The following CLSTN2 variants were observed in gnomAD, a reference collection of about 807,000 sequenced individuals.
CLSTN2 encodes calsyntenin-2.
A neutral mutation model predicts 101.2 loss-of-function variants in CLSTN2; 48 were observed. The observed-to-expected ratio is 0.47, with a 90% CI of 0.38 to 0.60. CLSTN2 has a LOEUF of 0.60. CLSTN2 is among the 20% of genes least tolerant of loss of function. The pLI, the probability that CLSTN2 is intolerant of heterozygous loss-of-function variation, is 0.00. For synonymous variants in CLSTN2, 481 were observed against 463.6 expected, an observed-to-expected ratio of 1.04 and a Z score of -0.48; for missense variants, 1,160 against 1,238.2, an observed-to-expected ratio of 0.94 and a Z score of 0.95.
intron 1 of CLSTN2, among the ~76,000 whole-genome samples, chr3:140,092,595 G>A (rs1019422482): frequency 6.6e-6 from 1 of 152,118 alleles, no homozygotes; most frequent in African/African-American, 2.4e-5. Context: ...GGGGTGTGCC[G>A]GGCTGGTGCA....
chr3:140,214,346 C>T (rs749268916), intron 2 of CLSTN2, among the ~76,000 whole-genome samples: 7 of 151,688 alleles, frequency 4.6e-5, no homozygotes, highest in Non-Finnish European at 8.8e-5. Flanking sequence ...CCCAGCTACT[C>T]GGGAGGCTGG....
At chr3:140,306,848 T>TTTATTATTATTATTATTATTA (rs57111372) in intron 2 of CLSTN2, among the ~76,000 whole-genome samples, 1 of 141,968 alleles carries the variant, frequency 7.0e-6, no homozygotes, top group Non-Finnish European at 1.5e-5. Context: ...TTTTTGTCTT[T>TTTATTATTATTATTATTATTA]TTATTATTAT....
At chr3:139,986,093 T>C (rs758426489) in intron 1 of CLSTN2, among the ~76,000 whole-genome samples, 1 of 152,158 alleles carries the variant, frequency 6.6e-6, no homozygotes, top group Non-Finnish European at 1.5e-5. Context: ...TCTCAAGTCA[T>C]GGTAACCTTG....
intron 4 of CLSTN2, among the ~76,000 whole-genome samples, chr3:140,413,937 C>T (rs1576554537): frequency 6.6e-6 from 1 of 152,078 alleles, no homozygotes; most frequent in Non-Finnish European, 1.5e-5. Flanking sequence ...CCACAGCAAA[C>T]ATCATACTCC....
Position 140,196,296 on chromosome 3 carries a change from T to C in CLSTN2, c.232+20223T>C, listed in dbSNP as rs2010642646. On this transcript the variant is annotated intron_variant, in intron 2 of 16. Transcript: ENST00000458420. ...ATGACAGAGGAAGGCGGGGGAAAAA[T>C]CCAAGTCACACTAACGAAAGTCCAG... 2.6e-5 allele frequency among the ~76,000 whole-genome samples: 4 copies of C among 152,166 alleles called. 1 individual carries two copies. In the South Asian group the frequency reaches 8.3e-4, roughly 32 times the overall value.
chr3:140,293,289 G>A (rs556375674), intron 2 of CLSTN2, among the ~76,000 whole-genome samples: 21 of 152,256 alleles, frequency 1.4e-4, no homozygotes, highest in African/African-American at 4.8e-4. Context: ...TGGGCAGCAC[G>A]GAGGGGCAGT....
intron 1 of CLSTN2, among the ~76,000 whole-genome samples, chr3:140,081,515 G>T (rs1336022517): frequency 6.6e-6 from 1 of 151,976 alleles, no homozygotes; most frequent in Non-Finnish European, 1.5e-5. Flanking sequence ...ATTTTATTTA[G>T]TACGGAATCA....
At chr3:140,515,559 G>T (rs1321590376) in intron 8 of CLSTN2, among the ~76,000 whole-genome samples, 1 of 151,774 alleles carries the variant, frequency 6.6e-6, no homozygotes, top group Non-Finnish European at 1.5e-5. Context: ...GGTTTCGATG[G>T]GTTGTATCAC....
intron 1 of CLSTN2, among the ~76,000 whole-genome samples, chr3:140,139,000 A>G (rs372230058): frequency 2.6e-5 from 4 of 152,254 alleles, no homozygotes; most frequent in African/African-American, 9.6e-5. Flanking sequence ...TGTGATATTG[A>G]GCAAATTAAT....
chr3:140,467,767 C>T (rs1211343617), intron 8 of CLSTN2, among the ~76,000 whole-genome samples: 1 of 152,114 alleles, frequency 6.6e-6, no homozygotes, highest in Non-Finnish European at 1.5e-5. Context: ...TCTCCACCCC[C>T]ACCCTCTCTC....
chr3:140,394,779 C>T (rs1244595865), intron 2 of CLSTN2, among the ~76,000 whole-genome samples: 2 of 152,196 alleles, frequency 1.3e-5, no homozygotes, highest in Admixed American at 6.5e-5. Context: ...CCATAGTAAA[C>T]ACTGAATAAG....
chr3:140,331,012 G>C (rs570081268), intron 2 of CLSTN2, among the ~76,000 whole-genome samples: 3 of 152,310 alleles, frequency 2.0e-5, no homozygotes, highest in Admixed American at 2.0e-4. Flanking sequence ...AAAGTCCCAT[G>C]ATAGGTCATC....
intron 1 of CLSTN2, among the ~76,000 whole-genome samples, chr3:140,080,483 C>T (rs1311205620): frequency 1.3e-5 from 2 of 152,162 alleles, no homozygotes; most frequent in African/African-American, 2.4e-5. Context: ...GTCTCAGTCT[C>T]ATCTATTCAA....
chr3:140,284,319 A>G (rs1246385886), intron 2 of CLSTN2, among the ~76,000 whole-genome samples: 3 of 152,218 alleles, frequency 2.0e-5, no homozygotes, highest in African/African-American at 7.2e-5. Context: ...TGGGACTGCC[A>G]TAATTGCTTG....
chr3:140,562,203 G>A lies in CLSTN2; in HGVS notation c.2107G>A (p.Gly703Arg), dbSNP rs144345937. 105 of 1,614,028 alleles carry A rather than the reference G, an allele frequency of 6.5e-5. No individual in the cohort carries two copies. Among genetic ancestry groups the A allele is most frequent in the East Asian group, 2.2e-4 (10 of 44,860 alleles). ...NLDFCDILVI[G>R]GDLDPRQECL... ...AGATTTCTGTGACATTTTGGTGATCGGAGGGGACTTGGACCCAAGGCAGGA... is the reference window on the plus strand; with the variant it reads ...AGATTTCTGTGACATTTTGGTGATCAGAGGGGACTTGGACCCAAGGCAGGA... Residue 703 changes from glycine (G) to arginine (R), a missense_variant, in exon 13 of 17, where the codon GGA becomes AGA. Physicochemically the swap from Gly to Arg is moderately radical, Grantham distance 125. Coordinates refer to ENST00000458420, the MANE Select transcript of CLSTN2 (RefSeq NM_022131.3).
intron 1 of CLSTN2, among the ~76,000 whole-genome samples, chr3:140,073,466 A>G (rs1030081301): frequency 1.3e-5 from 2 of 152,230 alleles, no homozygotes; most frequent in Non-Finnish European, 2.9e-5. Flanking sequence ...GAATGGTGAG[A>G]GCCAAGCTGG....
intron 8 of CLSTN2, among the ~76,000 whole-genome samples, chr3:140,501,731 T>C (rs1294829688): frequency 1.3e-5 from 2 of 152,194 alleles, no homozygotes; most frequent in Non-Finnish European, 2.9e-5. Context: ...ATCCAATAAA[T>C]GATTGTTTTT....
At chr3:140,099,896 T>A (rs1312065284) in intron 1 of CLSTN2, among the ~76,000 whole-genome samples, 1 of 152,208 alleles carries the variant, frequency 6.6e-6, no homozygotes, top group African/African-American at 2.4e-5. Flanking sequence ...CTGGGTCACC[T>A]GTAAGATGTT....
chr3:140,065,485 T>G (rs1048116390), intron 1 of CLSTN2, among the ~76,000 whole-genome samples: 3 of 152,210 alleles, frequency 2.0e-5, no homozygotes, highest in African/African-American at 7.2e-5. Flanking sequence ...GTCAGGAAGT[T>G]GATTTATACA....
Sources: gnomAD v4.1 joint callset for allele counts (sites outside exome capture counted in the v4.1 genomes callset) on GRCh38, gnomAD v4.1.1 for gene constraint, MANE v1.5 for transcripts, NCBI Gene and HGNC (gene_info 2026-07-23, HGNC 2026-07-21) for gene names.